Variants in NLGN1 observed in about 807,000 individuals in gnomAD.
The protein encoded by NLGN1 is neuroligin-1.
A neutral mutation model predicts 65.5 loss-of-function variants in NLGN1; 12 were observed. The ratio of observed to expected loss-of-function variants is 0.18; its 90% CI spans 0.12 to 0.30. The LOEUF (loss-of-function observed/expected upper bound fraction) is 0.30. Ranked by LOEUF, NLGN1 falls within the 10% of genes least tolerant of loss-of-function variation. The pLI, the probability that NLGN1 is intolerant of heterozygous loss-of-function variation, is 1.00. For synonymous variants in NLGN1, 350 were observed against 359.5 expected (o/e 0.97, Z 0.30); for missense variants, 750 against 1,007.1 (o/e 0.74, Z 3.46).
intron 4 of NLGN1, among the ~76,000 whole-genome samples, chr3:173,888,193 A>G (rs1254267641): frequency 1.3e-5 from 2 of 152,032 alleles, no homozygotes; most frequent in Non-Finnish European, 2.9e-5. Flanking sequence ...TTAATAATAG[A>G]TAGCTTAAAG....
chr3:173,723,825 G>T (rs1435751028), intron 3 of NLGN1, among the ~76,000 whole-genome samples: 4 of 152,174 alleles, frequency 2.6e-5, no homozygotes, highest in African/African-American at 4.8e-5. Context: ...GCAGAGAGCT[G>T]CCCAGGAGAT....
intron 1 of NLGN1, among the ~76,000 whole-genome samples, chr3:173,420,389 C>T (rs2148691692): frequency 6.6e-6 from 1 of 152,096 alleles, no homozygotes; most frequent in Admixed American, 6.5e-5. Context: ...CATCCATGTC[C>T]CTACAAAGGA....
At chr3:174,177,903 G>A (rs1044164890) in intron 4 of NLGN1, among the ~76,000 whole-genome samples, 1 of 152,060 alleles carries the variant, frequency 6.6e-6, no homozygotes, top group African/African-American at 2.4e-5. Flanking sequence ...TGCCCCGGAT[G>A]TACCTGCCTC....
chr3:173,569,879 C>T (rs1311082248), intron 2 of NLGN1, among the ~76,000 whole-genome samples: 2 of 152,170 alleles, frequency 1.3e-5, no homozygotes, highest in Non-Finnish European at 2.9e-5. Context: ...CATGCTTTCT[C>T]TAAGAAATTA....
chr3:174,185,974 G>C (rs1731330224), intron 4 of NLGN1, among the ~76,000 whole-genome samples: 1 of 151,942 alleles, frequency 6.6e-6, no homozygotes, highest in Non-Finnish European at 1.5e-5. Flanking sequence ...TATTCCCACT[G>C]TGTACCCAGT....
chr3:174,217,077 T>C (rs1449748817), intron 4 of NLGN1, among the ~76,000 whole-genome samples: 1 of 152,116 alleles, frequency 6.6e-6, no homozygotes, highest in Non-Finnish European at 1.5e-5. Context: ...TGGCAGGTCA[T>C]GTTTCTTCCA....
chr3:173,706,431 T>C (rs1415690067), intron 3 of NLGN1, among the ~76,000 whole-genome samples: 3 of 152,238 alleles, frequency 2.0e-5, no homozygotes, highest in Non-Finnish European at 2.9e-5. Context: ...TTTGCGTACT[T>C]GTTCAATTAT....
intron 3 of NLGN1, among the ~76,000 whole-genome samples, chr3:173,797,492 T>G (rs981075046): frequency 2.0e-5 from 3 of 152,144 alleles, no homozygotes; most frequent in Admixed American, 1.3e-4. Context: ...TTAATCCTCC[T>G]CCAGGATAAT....
intron 4 of NLGN1, among the ~76,000 whole-genome samples, chr3:173,853,718 A>G (rs1019618304): frequency 1.3e-5 from 2 of 152,056 alleles, no homozygotes; most frequent in Non-Finnish European, 2.9e-5. Flanking sequence ...AGTTTGCTTT[A>G]TTTAAAAATA....
rs1180367225 is a variant in NLGN1, at chr3:174,132,466, G to GA, written c.647-142842dup. Among the ~76,000 whole-genome samples the GA allele has an allele frequency of 4.6e-5, 7 of 152,036 alleles. No individual in the cohort carries two copies. In the Middle Eastern group the frequency reaches 0.01, roughly 222 times the overall value. On this transcript the variant is annotated intron_variant, in intron 4 of 6. Coordinates refer to ENST00000457714, the Ensembl canonical transcript of NLGN1. ...TTTCTTTTCTTTTAAGACTGCTTCA[G>GA]AAAAAAATCAGTTTGAATACTCTTG...
upstream of NLGN1, chr3:173,397,851 C>G (rs946974317): frequency 1.3e-5 from 2 of 152,074 alleles, no homozygotes; most frequent in African/African-American, 4.8e-5. Context: ...AAAGGCGAGT[C>G]GGAGTGGGTG....
At position 173,407,904 on chromosome 3, in the gene NLGN1, T is replaced by G. The variant is rs1711599869; in HGVS notation, c.-390+9417T>G. 3.3e-5 allele frequency among the ~76,000 whole-genome samples: 5 copies of G among 152,108 alleles called. No homozygotes were observed. The South Asian group carries it at 1.0e-3, about 31-fold the overall frequency. On this transcript the variant is annotated intron_variant, in intron 1 of 6. Coordinates refer to ENST00000457714, the Ensembl canonical transcript of NLGN1. ...TTGAATAAATAGTCCTCAGAAAAAT[T>G]GGTTCATATTACTCATATCAGAAAG...
Position 173,663,293 on chromosome 3 carries a change from C to T in NLGN1, c.493+58202C>T, listed in dbSNP as rs1223843405. On this transcript the variant is annotated intron_variant, in intron 3 of 6. Coordinates refer to ENST00000457714, the Ensembl canonical transcript of NLGN1. ...AAGGAAAAGCTGTTTAAGACAGACA[C>T]ATAACAATGATTATGTTAACAATGA... Among the ~76,000 whole-genome samples, 7 of 151,862 alleles carry T rather than the reference C, an allele frequency of 4.6e-5. No individual in the cohort carries two copies. In the East Asian group the frequency reaches 1.4e-3, roughly 29 times the overall value.
chr3:173,827,648 TG>T (rs1721623725), intron 4 of NLGN1, among the ~76,000 whole-genome samples: 2 of 151,148 alleles, frequency 1.3e-5, no homozygotes, highest in Admixed American at 6.6e-5. Flanking sequence ...TGTGTGTGTG[TG>T]TGTGTGTGTG....
intron 4 of NLGN1, among the ~76,000 whole-genome samples, chr3:174,102,823 C>T (rs571958244): frequency 9.3e-5 from 14 of 150,968 alleles, no homozygotes; most frequent in African/African-American, 2.9e-4. Context: ...CTATTAGATT[C>T]GCCAGGAGAA....
intron 3 of NLGN1, chr3:173,685,556 A>G: frequency 1.4e-6 from 1 of 734,302 alleles, no homozygotes. Context: ...AAGGGCTGCC[A>G]GGCAGTCATC....
intron 4 of NLGN1, among the ~76,000 whole-genome samples, chr3:174,016,742 C>G (rs879673068): frequency 6.6e-6 from 1 of 152,006 alleles, no homozygotes; most frequent in Non-Finnish European, 1.5e-5. Context: ...AAAAGTAATA[C>G]AAAGAATATC....
chr3:173,647,594 A>G (rs1758477285), intron 3 of NLGN1, among the ~76,000 whole-genome samples: 1 of 152,200 alleles, frequency 6.6e-6, no homozygotes, highest in South Asian at 2.1e-4. Context: ...GATCAAAAAT[A>G]AATCAGAATA....
At chr3:173,744,468 T>A (rs1385952721) in intron 3 of NLGN1, among the ~76,000 whole-genome samples, 3 of 152,108 alleles carry the variant, frequency 2.0e-5, no homozygotes, top group Non-Finnish European at 4.4e-5. Flanking sequence ...ACACTCTGAC[T>A]GGAGCAGGTG....
Sources: gnomAD v4.1 joint callset for allele counts (sites outside exome capture counted in the v4.1 genomes callset) on GRCh38, gnomAD v4.1.1 for gene constraint, MANE v1.5 for transcripts, NCBI Gene and HGNC (gene_info 2026-07-23, HGNC 2026-07-21) for gene names.